The following CCDC92B variants were observed in gnomAD, a reference collection of about 807,000 sequenced individuals.
The protein encoded by CCDC92B is coiled-coil domain-containing 92B.
In CCDC92B, 2 loss-of-function variants were observed where a neutral mutation model predicts 5.6. The ratio of observed to expected loss-of-function variants is 0.36; its 90% CI spans 0.15 to 1.12. The LOEUF is 1.12. Ranked by LOEUF, CCDC92B falls within the 50% of genes most tolerant of loss-of-function variation. The pLI, the probability that CCDC92B is intolerant of heterozygous loss-of-function variation, is 0.40. For missense variants in CCDC92B, 271 were observed against 262.2 expected (o/e 1.03, Z -0.23); for synonymous variants, 115 against 122.3 (o/e 0.94, Z 0.39).
rs1299715439 is a variant in CCDC92B, at chr17:2,722,973, G to A, written c.*1438C>T. The A allele has an allele frequency of 2.0e-5, 3 of 152,388 alleles. No individual in the cohort carries two copies. Among genetic ancestry groups the A allele is most frequent in the Admixed American group, 1.3e-4 (2 of 15,288 alleles). The allele number at this position is 152,388 out of a possible 1,614,324, so 9.4% of individuals were successfully genotyped here. A position where few individuals can be genotyped will look rare whatever the true frequency, so the allele number is the denominator to read the frequency against. ...TGGTGGACGGGGAGCTTGGGAGAAG[G>A]GGCGTTAGGAGGTGGGGCTTTCCCC... On this transcript the variant is annotated 3_prime_UTR_variant, in exon 4 of 4. Transcript: ENST00000614400.
At chr17:2,740,852 A>G (rs2070918002) in intron 1 of CCDC92B, among the ~76,000 whole-genome samples, 1 of 150,936 alleles carries the variant, frequency 6.6e-6, no homozygotes, top group Admixed American at 6.6e-5. Context: ...CTGTAGTCCC[A>G]GCTACTGGGA....
intron 1 of CCDC92B, among the ~76,000 whole-genome samples, chr17:2,736,728 A>C (rs1387141839): frequency 6.6e-6 from 1 of 151,378 alleles, no homozygotes; most frequent in Non-Finnish European, 1.5e-5. Flanking sequence ...AAATACAAAA[A>C]ATTAGCTGGG....
chr17:2,724,168 G>A lies in CCDC92B; in HGVS notation c.*243C>T. 1 of 985,440 alleles carries A rather than the reference G, an allele frequency of 1.0e-6. No individual in the cohort carries two copies. The highest frequency in any genetic ancestry group is 1.2e-6 in the Non-Finnish European group (1 of 829,932). The allele number at this position is 985,440 out of a possible 1,614,324, so 61.0% of individuals were successfully genotyped here. Reference sequence around the variant, plus strand: ...CGGGACGGCGAGTCCTCTCGGTAGAGAAGGTGCCCCCGCTCGGCCCCGCGG... The same window carrying A: ...CGGGACGGCGAGTCCTCTCGGTAGAAAAGGTGCCCCCGCTCGGCCCCGCGG... On this transcript the variant is annotated 3_prime_UTR_variant, in exon 4 of 4. Coordinates refer to ENST00000614400, the MANE Select transcript of CCDC92B (RefSeq NM_001355573.2). The surrounding 1 kb of genome is among the most constrained non-coding windows in gnomAD (Gnocchi z 5.0).
intron 1 of CCDC92B, among the ~76,000 whole-genome samples, chr17:2,744,192 T>A (rs892887908): frequency 7.4e-5 from 11 of 148,948 alleles, no homozygotes; most frequent in African/African-American, 2.8e-4. Context: ...AAATTTTTTT[T>A]TTTCATTTTT....
rs1053018758 is a variant in CCDC92B, at chr17:2,722,242, A to C, written c.*2169T>G. On this transcript the variant is annotated 3_prime_UTR_variant, in exon 4 of 4. Coordinates refer to ENST00000614400, the MANE Select transcript of CCDC92B (RefSeq NM_001355573.2). ...GCCCTCACACACAAGACAGGTTCTGAAAGGGAGGGGGACAGAATAGGGGTG... is the reference window on the plus strand; with the variant it reads ...GCCCTCACACACAAGACAGGTTCTGCAAGGGAGGGGGACAGAATAGGGGTG... 6.6e-6 allele frequency: 1 copy of C among 151,660 alleles called. No individual in the cohort carries two copies. The highest frequency in any genetic ancestry group is 1.5e-5 in the Non-Finnish European group (1 of 68,108). The allele number at this position is 151,660 out of a possible 1,614,324, so 9.4% of individuals were successfully genotyped here.
rs1173094870 is a variant in CCDC92B, at chr17:2,723,884, CA to C, written c.*526del. ...ACCTGCAAGGACCTATCGGCAGGGT[CA>C]GGGTGGGGGTAGAAGGACCAGCCCC... is the stretch of plus-strand genomic sequence containing the variant. On this transcript the variant is annotated 3_prime_UTR_variant, in exon 4 of 4. Coordinates refer to ENST00000614400, the MANE Select transcript of CCDC92B (RefSeq NM_001355573.2). The C allele has an allele frequency of 1.1e-6, 1 of 941,552 alleles. No individual in the cohort carries two copies. Among genetic ancestry groups the C allele is most frequent in the South Asian group, 4.9e-5 (1 of 20,444 alleles). 58.3% of individuals were successfully genotyped at this position (941,552 alleles called of 1,614,324 possible). A position where few individuals can be genotyped will look rare whatever the true frequency, so the allele number is the denominator to read the frequency against.
At chr17:2,735,304 C>T in intron 1 of CCDC92B, 136 bp from the exon 2 acceptor site, 1 of 417,552 alleles carries the variant, frequency 2.4e-6, no homozygotes, top group Non-Finnish European at 3.2e-6. Flanking sequence ...GTCACCTCCA[C>T]ACTATTCCTT....
At chr17:2,732,568 T>G (rs1438528255) in intron 2 of CCDC92B, among the ~76,000 whole-genome samples, 2 of 151,346 alleles carry the variant, frequency 1.3e-5, no homozygotes, top group Non-Finnish European at 2.9e-5. Context: ...AATACAAAAA[T>G]TAGCCAGGCA....
chr17:2,741,595 CTT>C (rs61510422), intron 1 of CCDC92B, among the ~76,000 whole-genome samples: 11 of 134,508 alleles, frequency 8.2e-5, no homozygotes, highest in Admixed American at 1.5e-4. Flanking sequence ...AGGAGAATCT[CTT>C]TTTTTTTTTT....
At chr17:2,747,303 G>A (rs1193330427) in intron 1 of CCDC92B, among the ~76,000 whole-genome samples, 1 of 152,180 alleles carries the variant, frequency 6.6e-6, no homozygotes, top group Non-Finnish European at 1.5e-5. Flanking sequence ...ACAGTCAATA[G>A]CCATGTTTTC....
intron 1 of CCDC92B, chr17:2,748,214 C>G (rs1177561240): frequency 1.6e-6 from 1 of 607,212 alleles, no homozygotes; most frequent in Non-Finnish European, 3.0e-6. Flanking sequence ...AGCCCAGTAG[C>G]CAGGCCATCC....
At chr17:2,740,148 G>T (rs2070910435) in intron 1 of CCDC92B, among the ~76,000 whole-genome samples, 1 of 152,056 alleles carries the variant, frequency 6.6e-6, no homozygotes, top group Non-Finnish European at 1.5e-5. Flanking sequence ...TTTCTGCCTT[G>T]TGACAGGCAG....
Position 2,724,158 on chromosome 17 carries a change from T to C in CCDC92B, c.*253A>G, listed in dbSNP as rs2070694339. The C allele has an allele frequency of 1.0e-6, 1 of 985,016 alleles. No individual in the cohort carries two copies. The highest frequency in any genetic ancestry group is 6.2e-5 in the Admixed American group (1 of 16,252). The allele number at this position is 985,016 out of a possible 1,614,324, so 61.0% of individuals were successfully genotyped here. A position where few individuals can be genotyped will look rare whatever the true frequency, so the allele number is the denominator to read the frequency against. On this transcript the variant is annotated 3_prime_UTR_variant, in exon 4 of 4. Coordinates refer to ENST00000614400, the MANE Select transcript of CCDC92B (RefSeq NM_001355573.2). The surrounding 1 kb of genome is among the most constrained non-coding windows in gnomAD (Gnocchi z 5.0). ...AGGCCAGGATCGGGACGGCGAGTCC[T>C]CTCGGTAGAGAAGGTGCCCCCGCTC...
At chr17:2,729,196 G>T (rs2070768486) in intron 3 of CCDC92B, among the ~76,000 whole-genome samples, 1 of 151,972 alleles carries the variant, frequency 6.6e-6, no homozygotes, top group African/African-American at 2.4e-5. Context: ...TAATTAAATA[G>T]TTACTATGTC....
At chr17:2,729,853 G>C (rs1382093267) in intron 3 of CCDC92B, among the ~76,000 whole-genome samples, 2 of 152,182 alleles carry the variant, frequency 1.3e-5, no homozygotes, top group African/African-American at 2.4e-5. Flanking sequence ...ATGGCAAGAA[G>C]TCATGCTTTT....
chr17:2,730,913 G>C (rs1294022591), intron 2 of CCDC92B, among the ~76,000 whole-genome samples: 2 of 152,226 alleles, frequency 1.3e-5, no homozygotes, highest in Non-Finnish European at 2.9e-5. Flanking sequence ...TTCGTGTTTA[G>C]CTGATGGCCG....
At position 2,722,820 on chromosome 17, in the gene CCDC92B, G is replaced by C. The variant is rs1350169669; in HGVS notation, c.*1591C>G. 1 of 152,630 alleles carries C rather than the reference G, an allele frequency of 6.6e-6. No homozygotes were observed. The highest frequency in any genetic ancestry group is 2.4e-5 in the African/African-American group (1 of 41,454). The allele number at this position is 152,630 out of a possible 1,614,324, so 9.5% of individuals were successfully genotyped here. ...CTCGAAGCCCCTGGAAGACCTCACA[G>C]GCACTTAGGACTTGATGCAGGACCC... On this transcript the variant is annotated 3_prime_UTR_variant, in exon 4 of 4. Transcript: ENST00000614400.
At chr17:2,733,248 G>T (rs1284666089) in intron 2 of CCDC92B, among the ~76,000 whole-genome samples, 1 of 150,006 alleles carries the variant, frequency 6.7e-6, no homozygotes, top group East Asian at 1.9e-4. Context: ...GTGTCTTAGG[G>T]TTTCCTCTTC....
chr17:2,742,001 G>T (rs1365399122), intron 1 of CCDC92B, among the ~76,000 whole-genome samples: 1 of 148,728 alleles, frequency 6.7e-6, no homozygotes, highest in Non-Finnish European at 1.5e-5. Flanking sequence ...AAAAAAAAAA[G>T]AACATTTAAT....
Sources: gnomAD v4.1 joint callset for allele counts (sites outside exome capture counted in the v4.1 genomes callset) on GRCh38, gnomAD v4.1.1 for gene constraint, Gnocchi (gnomAD v3.1) non-coding constraint, MANE v1.5 for transcripts, NCBI Gene and HGNC (gene_info 2026-07-23, HGNC 2026-07-21) for gene names.